The following PRC1 variants were observed in gnomAD, a reference collection of about 807,000 sequenced individuals.
PRC1 encodes the protein protein regulator of cytokinesis 1.
In PRC1, 54 loss-of-function variants were observed where a neutral mutation model predicts 91.2. That is an observed-to-expected ratio of 0.59 (90% CI 0.48 to 0.74). PRC1 has a LOEUF of 0.74. PRC1 is among the 30% of genes least tolerant of loss of function. PRC1 has a pLI of 0.00. For missense variants in PRC1, 727 were observed against 746.2 expected (o/e 0.97, Z 0.30); for synonymous variants, 275 against 263.6 (o/e 1.04, Z -0.42).
Position 90,984,746 on chromosome 15 carries a change from T to G in PRC1, c.91A>C (p.Ile31Leu), listed in dbSNP as rs201712220. 9.9e-6 allele frequency: 16 copies of G among 1,614,200 alleles called. No homozygotes were observed. The highest frequency in any genetic ancestry group is 1.3e-5 in the Non-Finnish European group (15 of 1,180,038). ...CTTTGTAACCGCTGGTCCTCTGGAA[T>G]CCCAATTAGCTCCCATATTTCCCGA... is the stretch of plus-strand genomic sequence containing the variant. ...HLREIWELIG[I>L]PEDQRLQRTE... The change falls in exon 2 of 15, where the codon ATT becomes CTT. Residue 31 changes from isoleucine (I) to leucine (L), a missense_variant. By Grantham distance (5) the Ile-to-Leu change is conservative. Transcript: ENST00000394249. The surrounding 1 kb of genome is among the most constrained non-coding windows in gnomAD (Gnocchi z 5.1).
intron 14 of PRC1, 34 bp from the exon 15 acceptor site, chr15:90,967,236 T>TATG: frequency 6.4e-7 from 1 of 1,558,272 alleles, no homozygotes; most frequent in Non-Finnish European, 8.9e-7. Flanking sequence ...GTGGCCATAC[T>TATG]GCCTCTCTTA....
At position 90,974,126 on chromosome 15, in the gene PRC1, T is replaced by TTG; in HGVS notation, c.1461+8_1461+9dup. The TTG allele has an allele frequency of 1.2e-6, 2 of 1,610,400 alleles. No individual in the cohort carries two copies. Among genetic ancestry groups the TTG allele is most frequent in the Non-Finnish European group, 1.7e-6 (2 of 1,176,588 alleles). On this transcript the variant is annotated intron_variant, in intron 11 of 14. Coordinates refer to ENST00000394249, the MANE Select transcript of PRC1 (RefSeq NM_003981.4). This position sits in a 1 kb window ranked among gnomAD's most constrained non-coding sequence, Gnocchi z 4.6. ...CTTGAAATCAGTGTTTCCCTAAGCC[T>TTG]TGTGTTTACCTTACGTGCTTTGCCC...
chr15:90,980,438 C>T (rs770226976), intron 6 of PRC1, 49 bp from the exon 7 acceptor site: 2 of 1,581,834 alleles, frequency 1.3e-6, no homozygotes, highest in Non-Finnish European at 1.7e-6. Context: ...TTTATATTCA[C>T]TCAGGTTTGC....
intron 3 of PRC1, 114 bp downstream of exon 3, chr15:90,983,904 A>G: frequency 7.3e-7 from 1 of 1,364,696 alleles, no homozygotes; most frequent in Non-Finnish European, 9.9e-7. Flanking sequence ...CCCACTTCTT[A>G]CGTCTAGCTC....
chr15:90,993,226 T>TTC (rs2040084834), intron 1 of PRC1, among the ~76,000 whole-genome samples: 1 of 150,334 alleles, frequency 6.7e-6, no homozygotes, highest in Admixed American at 6.6e-5. Flanking sequence ...TTTTTTTTTT[T>TTC]TGAGACGTAG....
intron 1 of PRC1, chr15:90,988,369 C>T (rs1401265576): frequency 6.6e-6 from 1 of 152,202 alleles, no homozygotes; most frequent in Non-Finnish European, 1.5e-5. Context: ...ACAGACCTAC[C>T]CCTGCCCAGC....
In PRC1 at chr15:90,994,336, C is replaced by G. The variant is rs545901134; in HGVS notation, c.11+71G>C. ...GGGACCCCGCACGGGTCCCGCACCC[C>G]TGAACAGGCCCCGCAGCCGAAACGA... On this transcript the variant is annotated intron_variant, in intron 1 of 14. Coordinates refer to ENST00000394249, the MANE Select transcript of PRC1 (RefSeq NM_003981.4). 1.4e-4 allele frequency: 221 copies of G among 1,610,828 alleles called. 1 individual carries two copies. In the East Asian group the frequency reaches 4.3e-3, roughly 31 times the overall value.
At position 90,967,113 on chromosome 15, in the gene PRC1, T is replaced by C. The variant is rs371139846; in HGVS notation, c.*18A>G. 9.3e-5 allele frequency: 150 copies of C among 1,608,334 alleles called. No individual in the cohort carries two copies. Among genetic ancestry groups the C allele is most frequent in the Non-Finnish European group, 1.2e-4 (143 of 1,174,782 alleles). On this transcript the variant is annotated 3_prime_UTR_variant, in exon 15 of 15. Transcript: ENST00000394249. ...TCTAGGCACAGGAAGCCACAGCTGGTTGACTGATCAGGGCTTCTCAGGACT... is the reference window on the plus strand; with the variant it reads ...TCTAGGCACAGGAAGCCACAGCTGGCTGACTGATCAGGGCTTCTCAGGACT...
At chr15:90,979,867 T>C (rs547054861) in intron 7 of PRC1, among the ~76,000 whole-genome samples, 2 of 152,324 alleles carry the variant, frequency 1.3e-5, no homozygotes, top group South Asian at 2.1e-4. Flanking sequence ...TGGCAAAAAG[T>C]AAGCACCTGA....
At chr15:90,989,695 G>A (rs936165226) in intron 1 of PRC1, among the ~76,000 whole-genome samples, 3 of 151,812 alleles carry the variant, frequency 2.0e-5, no homozygotes, top group African/African-American at 7.3e-5. Context: ...AATACAAATG[G>A]CCATCAACTT....
chr15:90,969,435 A>G lies in PRC1; in HGVS notation c.1749+12T>C. 1.3e-6 allele frequency: 2 copies of G among 1,581,790 alleles called. No homozygotes were observed. The highest frequency in any genetic ancestry group is 1.7e-6 in the Non-Finnish European group (2 of 1,161,060). On this transcript the variant is annotated intron_variant, in intron 13 of 14. Coordinates refer to ENST00000394249, the MANE Select transcript of PRC1 (RefSeq NM_003981.4). ...CCCCAGAGACTGGTAGATATTAGAA[A>G]AGGTGAATTACCGCAAACTCAGAAT...
chr15:90,984,546 G>A lies in PRC1; in HGVS notation c.144+147C>T. 3.2e-6 allele frequency: 4 copies of A among 1,260,052 alleles called. No homozygotes were observed. The South Asian group carries it at 6.1e-5, about 19-fold the overall frequency. The allele number at this position is 1,260,052 out of a possible 1,614,324, so 78.1% of individuals were successfully genotyped here. A position where few individuals can be genotyped will look rare whatever the true frequency, so the allele number is the denominator to read the frequency against. On this transcript the variant is annotated intron_variant, in intron 2 of 14. Coordinates refer to ENST00000394249, the MANE Select transcript of PRC1 (RefSeq NM_003981.4). This position sits in a 1 kb window ranked among gnomAD's most constrained non-coding sequence, Gnocchi z 5.1. ...ACCCAGCCTCCTCAAATTTCAAGAAGGGACTTCAAAACCAAACCAAACCAA... is the reference window on the plus strand; with the variant it reads ...ACCCAGCCTCCTCAAATTTCAAGAAAGGACTTCAAAACCAAACCAAACCAA...
At chr15:90,983,251 T>C (rs1435518319) in intron 3 of PRC1, among the ~76,000 whole-genome samples, 3 of 152,184 alleles carry the variant, frequency 2.0e-5, no homozygotes, top group Non-Finnish European at 2.9e-5. Context: ...TAACTCCAAA[T>C]AGATATCCAG....
chr15:90,980,533 T>TTTG lies in PRC1; in HGVS notation c.823-145_823-144insCAA, dbSNP rs1555453521. On this transcript the variant is annotated intron_variant, in intron 6 of 14. Coordinates refer to ENST00000394249, the MANE Select transcript of PRC1 (RefSeq NM_003981.4). ...AACACTTTTTTTTTTTTTTTTTTTT[T>TTTG]TTTGAGACAGGGTCTCACTCTCTCG... is the stretch of plus-strand genomic sequence containing the variant. 9.8e-4 allele frequency: 957 copies of TTTG among 978,808 alleles called. 2 individuals carry two copies. Among genetic ancestry groups the TTTG allele is most frequent in the African/African-American group, 7.2e-3 (372 of 51,740 alleles). The allele number at this position is 978,808 out of a possible 1,614,324, so 60.6% of individuals were successfully genotyped here.
In PRC1 at chr15:90,981,576, C is replaced by T. The variant is rs1307280771; in HGVS notation, c.595G>A (p.Asp199Asn). The change falls in exon 5 of 15, where the codon GAT (aspartate) becomes AAT (asparagine). Residue 199 changes from aspartate (D) to asparagine (N), a missense_variant. Transcript: ENST00000394249. ...DHTPDTSFER[D>N]VVCEDEDAFC... Reference sequence around the variant, plus strand: ...GCATCTTCGTCTTCACACACCACATCTCTTTCAAAGCTTGTGTCTGGGGTG... The same window carrying T: ...GCATCTTCGTCTTCACACACCACATTTCTTTCAAAGCTTGTGTCTGGGGTG... 1 of 1,614,100 alleles carries T rather than the reference C, an allele frequency of 6.2e-7. No individual in the cohort carries two copies. The highest frequency in any genetic ancestry group is 1.7e-5 in the Admixed American group (1 of 60,028).
In PRC1 at chr15:90,974,185, G is replaced by C; in HGVS notation, c.1412C>G (p.Pro471Arg). Residue 471 changes from proline to arginine, a missense_variant, in exon 11 of 15, where the codon CCT becomes CGT. Pro to Arg is a moderately radical substitution (Grantham distance 103, BLOSUM62 -2). Coordinates refer to ENST00000394249, the MANE Select transcript of PRC1 (RefSeq NM_003981.4). The surrounding 1 kb of genome is among the most constrained non-coding windows in gnomAD (Gnocchi z 4.6). ...GGGAGCCAGTCCTCGCCGCTTGCTA[G>C]GTGTTCGAGGAGCGCTGCCATACAG... Reference protein sequence around the residue: ...EMLYGSAPRTPSKRRGLAPNT... With the variant: ...EMLYGSAPRTRSKRRGLAPNT... 1 of 1,614,198 alleles carries C rather than the reference G, an allele frequency of 6.2e-7. No individual in the cohort carries two copies. The highest frequency in any genetic ancestry group is 8.5e-7 in the Non-Finnish European group (1 of 1,180,036).
At chr15:90,992,798 C>T (rs1340672611) in intron 1 of PRC1, among the ~76,000 whole-genome samples, 1 of 151,866 alleles carries the variant, frequency 6.6e-6, no homozygotes, top group Admixed American at 6.6e-5. Flanking sequence ...GTCAGTTTTT[C>T]CAGTCTTGAA....
intron 12 of PRC1, among the ~76,000 whole-genome samples, chr15:90,970,077 G>A (rs2037974048): frequency 6.6e-6 from 1 of 152,086 alleles, no homozygotes; most frequent in Non-Finnish European, 1.5e-5. Context: ...CACTGGGCTA[G>A]AACCCACATG....
intron 3 of PRC1, among the ~76,000 whole-genome samples, chr15:90,983,096 G>C (rs948424294): frequency 1.3e-5 from 2 of 152,186 alleles, no homozygotes; most frequent in East Asian, 3.8e-4. Flanking sequence ...AAAAAAGAAA[G>C]AGAAACTATG....
Sources: allele counts gnomAD v4.1 joint callset (sites outside exome capture counted in the v4.1 genomes callset), GRCh38; gene constraint gnomAD v4.1.1; non-coding constraint Gnocchi (gnomAD v3.1); transcripts MANE v1.5; gene names NCBI Gene and HGNC (gene_info 2026-07-23, HGNC 2026-07-21).